The following CACNA1C variants were observed in gnomAD, a reference collection of about 807,000 sequenced individuals.
CACNA1C encodes the protein voltage-dependent L-type calcium channel subunit alpha-1C.
Under a neutral mutation model 229.0 loss-of-function variants are expected in CACNA1C, and 30 were observed. That is an observed-to-expected ratio of 0.13 (90% CI 0.10 to 0.18). The LOEUF (loss-of-function observed/expected upper bound fraction) is 0.18, where lower values mean the gene tolerates loss of function less well. CACNA1C is among the 10% of genes least tolerant of loss of function. The probability of loss-of-function intolerance (pLI) is 1.00; values close to 1 mark genes in which losing one functional copy is unlikely to be tolerated. For missense variants in CACNA1C, 1,658 were observed against 2,845.0 expected (o/e 0.58, Z 9.49); for synonymous variants, 1,114 against 1,132.5 (o/e 0.98, Z 0.33).
chr12:2,590,538 T>C (rs916297666), intron 18 of CACNA1C, among the ~76,000 whole-genome samples: 8 of 152,148 alleles, frequency 5.3e-5, no homozygotes, highest in Non-Finnish European at 1.0e-4. Context: ...GCTGTCAAAG[T>C]TGTGTTCCTT....
At chr12:2,565,410 T>A (rs1332796214) in intron 11 of CACNA1C, among the ~76,000 whole-genome samples, 3 of 142,664 alleles carry the variant, frequency 2.1e-5, no homozygotes, top group Non-Finnish European at 4.5e-5. Context: ...GAGCTTGCAG[T>A]GAGCCGAGAT....
At position 2,566,573 on chromosome 12, in the gene CACNA1C, G is replaced by T; in HGVS notation, c.1660G>T (p.Glu554Ter). ...CTACAACCAGCCCAACTGGCTCACA[G>T]AAGTCCAAGGTGAGCGGCGGCCCCA... is the stretch of plus-strand genomic sequence containing the variant. ...EHYNQPNWLT[E>*]VQDTANKALL... Residue 554 changes from glutamate (E) to a stop codon, truncating the protein, a stop_gained, in exon 12 of 47, where the codon GAA becomes TAA. Transcript: ENST00000399655. LOFTEE classifies it high-confidence loss of function. This position sits in a 1 kb window ranked among gnomAD's most constrained non-coding sequence, Gnocchi z 4.0. 6.3e-7 allele frequency: 1 copy of T among 1,597,310 alleles called. No individual in the cohort carries two copies. The highest frequency in any genetic ancestry group is 8.5e-7 in the Non-Finnish European group (1 of 1,172,292).
At chr12:2,687,258 A>G (rs1206906649) in intron 45 of CACNA1C, among the ~76,000 whole-genome samples, 2 of 152,206 alleles carry the variant, frequency 1.3e-5, no homozygotes, top group Non-Finnish European at 2.9e-5. Flanking sequence ...TGTGTGTGCT[A>G]TCTTAAAAGA....
intron 9 of CACNA1C, among the ~76,000 whole-genome samples, chr12:2,542,419 G>A (rs543698665): frequency 6.6e-6 from 1 of 152,310 alleles, no homozygotes; most frequent in Non-Finnish European, 1.5e-5. Context: ...CTTCCTATGG[G>A]GAAAGTGAGG....
intron 6 of CACNA1C, among the ~76,000 whole-genome samples, chr12:2,491,976 CT>C (rs2099736143): frequency 1.3e-5 from 2 of 151,306 alleles, no homozygotes; most frequent in Admixed American, 1.3e-4. Flanking sequence ...CTCTCTCTCT[CT>C]CTCTCTCTCT....
At position 2,494,041 on chromosome 12, in the gene CACNA1C, T is replaced by A. The variant is rs115902908; in HGVS notation, c.1113+655T>A. Among the ~76,000 whole-genome samples the A allele has an allele frequency of 7.6e-3, 1,155 of 152,278 alleles. 15 individuals carry two copies. The highest frequency in any genetic ancestry group is 0.027 in the African/African-American group (1,110 of 41,550). The stretch of plus-strand genomic sequence containing the variant: ...TTTTAATTTTTATTTTACTTTAGGT[T>A]CTGGGATACATGTGTAGAACGTGCA... On this transcript the variant is annotated intron_variant, in intron 7 of 46. Coordinates refer to ENST00000399655, the MANE Select transcript of CACNA1C (RefSeq NM_000719.7).
At chr12:2,375,874 C>A (rs2098041296) in intron 3 of CACNA1C, among the ~76,000 whole-genome samples, 1 of 152,220 alleles carries the variant, frequency 6.6e-6, no homozygotes, top group Non-Finnish European at 1.5e-5. Flanking sequence ...GTTGACCACA[C>A]CACTTGATTG....
chr12:2,665,495 C>T lies in CACNA1C; in HGVS notation c.4399-86C>T. ...CTTTAGAAATGTTGGCTTCTGCCAT[C>T]AGTAGGCCCCAGCTGGCAAGGGGGT... On this transcript the variant is annotated intron_variant, in intron 35 of 46. Coordinates refer to ENST00000399655, the MANE Select transcript of CACNA1C (RefSeq NM_000719.7). The surrounding 1 kb of genome is among the most constrained non-coding windows in gnomAD (Gnocchi z 5.9). 6.8e-7 allele frequency: 1 copy of T among 1,459,958 alleles called. No individual in the cohort carries two copies. The highest frequency in any genetic ancestry group is 1.8e-5 in the Admixed American group (1 of 56,804). 90.4% of individuals were successfully genotyped at this position (1,459,958 alleles called of 1,614,324 possible).
chr12:2,524,790 G>A lies in CACNA1C; in HGVS notation c.1390+11806G>A, dbSNP rs546351791. On this transcript the variant is annotated intron_variant, in intron 9 of 46. Coordinates refer to ENST00000399655, the MANE Select transcript of CACNA1C (RefSeq NM_000719.7). ...TGGGCATTGCTCGCGACACACCATC[G>A]GCCGGAACACAGCTCCCACTTCCGC... Among the ~76,000 whole-genome samples the A allele has an allele frequency of 7.9e-5, 12 of 152,268 alleles. No homozygotes were observed. In the South Asian group the frequency reaches 1.5e-3, roughly 18 times the overall value.
At chr12:2,606,131 C>G (rs958881440) in intron 24 of CACNA1C, among the ~76,000 whole-genome samples, 8 of 152,192 alleles carry the variant, frequency 5.3e-5, no homozygotes, top group African/African-American at 1.9e-4. Context: ...TCAACAGCAT[C>G]ACGTCCCCAC....
At chr12:2,268,571 A>G (rs1601517417) in intron 3 of CACNA1C, among the ~76,000 whole-genome samples, 1 of 152,170 alleles carries the variant, frequency 6.6e-6, no homozygotes, top group African/African-American at 2.4e-5. Flanking sequence ...GGGATGGCCA[A>G]GGGCTCCCAG....
At chr12:2,510,312 G>A (rs940126767) in intron 8 of CACNA1C, among the ~76,000 whole-genome samples, 1 of 152,234 alleles carries the variant, frequency 6.6e-6, no homozygotes, top group South Asian at 2.1e-4. Flanking sequence ...CCTTTACCGT[G>A]GGAAACCTTG....
chr12:2,203,996 A>C lies in CACNA1C; in HGVS notation c.477+83566A>C, dbSNP rs1320166511. ...CATTAAATGATGCTTGCAAAACAAC[A>C]ATGTGATGAGTTAGGAATGAATCAG... On this transcript the variant is annotated intron_variant, in intron 3 of 46. Transcript: ENST00000399655. Among the ~76,000 whole-genome samples, 4 of 152,196 alleles carry C rather than the reference A, an allele frequency of 2.6e-5. No homozygotes were observed. In the East Asian group the frequency reaches 7.7e-4, roughly 29 times the overall value.
At chr12:2,272,820 T>TA (rs2085718202) in intron 3 of CACNA1C, among the ~76,000 whole-genome samples, 1 of 152,208 alleles carries the variant, frequency 6.6e-6, no homozygotes, top group Non-Finnish European at 1.5e-5. Flanking sequence ...CATTTATCCG[T>TA]TCTATTGGAC....
At chr12:2,577,674 T>TC (rs2058928305) in intron 13 of CACNA1C, among the ~76,000 whole-genome samples, 1 of 152,206 alleles carries the variant, frequency 6.6e-6, no homozygotes, top group Admixed American at 6.5e-5. Flanking sequence ...CCCTTGCCTT[T>TC]CCCTCCAGGA....
At chr12:2,059,733 A>G (rs1429054139) in intron 1 of CACNA1C, among the ~76,000 whole-genome samples, 2 of 152,188 alleles carry the variant, frequency 1.3e-5, no homozygotes, top group Non-Finnish European at 2.9e-5. Flanking sequence ...CCTTAGAGAC[A>G]ATCCTCATTT....
intron 3 of CACNA1C, among the ~76,000 whole-genome samples, chr12:2,441,309 A>G (rs2099223493): frequency 6.6e-6 from 1 of 152,162 alleles, no homozygotes; most frequent in Admixed American, 6.5e-5. Context: ...CCCCAGCTCT[A>G]CTGTGCACAT....
chr12:2,165,801 C>CAGT (rs928092882), intron 3 of CACNA1C, among the ~76,000 whole-genome samples: 70 of 152,294 alleles, frequency 4.6e-4, no homozygotes, highest in African/African-American at 1.6e-3. Context: ...ACACAGTGTG[C>CAGT]AGTAGGTGAG....
intron 9 of CACNA1C, among the ~76,000 whole-genome samples, chr12:2,514,758 A>G (rs1349013277): frequency 6.6e-6 from 1 of 152,204 alleles, no homozygotes; most frequent in Admixed American, 6.5e-5. Flanking sequence ...GTGGTTATCC[A>G]CCGAGATAAC....
Sources: gnomAD v4.1 joint callset for allele counts (sites outside exome capture counted in the v4.1 genomes callset) on GRCh38, gnomAD v4.1.1 for gene constraint, Gnocchi (gnomAD v3.1) non-coding constraint, MANE v1.5 for transcripts, NCBI Gene and HGNC (gene_info 2026-07-23, HGNC 2026-07-21) for gene names.